C14orf132: variants seen among roughly 807,000 people sequenced by gnomAD.
C14orf132 encodes uncharacterized protein C14orf132.
A neutral mutation model predicts 5.8 loss-of-function variants in C14orf132; 6 were observed. The ratio of observed to expected loss-of-function variants is 1.03; its 90% CI spans 0.57 to 2.04. The LOEUF is 2.04. C14orf132 is among the 30% of genes most tolerant of loss of function. The probability of loss-of-function intolerance (pLI) is 0.00; values close to 1 mark genes in which losing one functional copy is unlikely to be tolerated. For missense variants in C14orf132, 125 were observed against 115.8 expected, an observed-to-expected ratio of 1.08 and a Z score of -0.37; for synonymous variants, 51 against 49.8, an observed-to-expected ratio of 1.02 and a Z score of -0.10.
At chr14:96,069,988 A>G (rs965253129) in intron 1 of C14orf132, among the ~76,000 whole-genome samples, 2 of 152,208 alleles carry the variant, frequency 1.3e-5, no homozygotes, top group Non-Finnish European at 2.9e-5. Context: ...TTCACAGAGC[A>G]TGCTGTTGTC....
At chr14:96,046,747 A>G (rs750350015) in intron 1 of C14orf132, among the ~76,000 whole-genome samples, 1 of 152,222 alleles carries the variant, frequency 6.6e-6, no homozygotes, top group Non-Finnish European at 1.5e-5. Context: ...ATGCTGGCAT[A>G]TCCCCTGCTA....
chr14:96,050,472 A>G (rs1886994780), intron 1 of C14orf132, among the ~76,000 whole-genome samples: 1 of 152,068 alleles, frequency 6.6e-6, no homozygotes, highest in South Asian at 2.1e-4. Flanking sequence ...ACTATTTTCT[A>G]TAATTTTTTG....
intron 1 of C14orf132, among the ~76,000 whole-genome samples, chr14:96,081,422 C>T (rs934579341): frequency 6.6e-6 from 1 of 152,206 alleles, no homozygotes; most frequent in Non-Finnish European, 1.5e-5. Flanking sequence ...GGGGCTAAAT[C>T]TCATCACGCC....
At chr14:96,059,622 G>T (rs184898999) in intron 1 of C14orf132, among the ~76,000 whole-genome samples, 7 of 152,276 alleles carry the variant, frequency 4.6e-5, no homozygotes, top group Non-Finnish European at 1.0e-4. Context: ...CTTTAACCTG[G>T]CAGTAGTGTC....
chr14:96,068,170 G>T (rs1172502936), intron 1 of C14orf132, among the ~76,000 whole-genome samples: 3 of 152,220 alleles, frequency 2.0e-5, no homozygotes, highest in Admixed American at 6.5e-5. Flanking sequence ...CACCCTGCGT[G>T]GGCGAACAGC....
chr14:96,072,637 T>A (rs1387137341), intron 1 of C14orf132, among the ~76,000 whole-genome samples: 1 of 152,194 alleles, frequency 6.6e-6, no homozygotes, highest in Non-Finnish European at 1.5e-5. Context: ...AAATATCTCC[T>A]CTTGCTGCCT....
intron 1 of C14orf132, among the ~76,000 whole-genome samples, chr14:96,068,398 CG>C (rs1887597181): frequency 6.6e-6 from 1 of 152,114 alleles, no homozygotes; most frequent in Non-Finnish European, 1.5e-5. Flanking sequence ...TGATCTTAGG[CG>C]GGGTGCTCCG....
intron 1 of C14orf132, among the ~76,000 whole-genome samples, chr14:96,053,519 C>A (rs1887090256): frequency 6.6e-6 from 1 of 152,214 alleles, no homozygotes; most frequent in African/African-American, 2.4e-5. Context: ...CTGGGCAGAC[C>A]CCTGGCCCCC....
intron 1 of C14orf132, among the ~76,000 whole-genome samples, chr14:96,049,913 A>G (rs1263261964): frequency 6.6e-6 from 1 of 151,916 alleles, no homozygotes; most frequent in African/African-American, 2.4e-5. Flanking sequence ...TAGATATTAT[A>G]GTTTTCATCT....
Position 96,049,653 on chromosome 14 carries a change from T to TATATAGAGAGAG in C14orf132, c.27+10127_27+10128insTATAGAGAGAGA, listed in dbSNP as rs371381526. On this transcript the variant is annotated intron_variant, in intron 1 of 1. Coordinates refer to ENST00000555004, the MANE Select transcript of C14orf132 (RefSeq NM_001252507.3). ...ATACATATATACGTATATATATATA[T>TATATAGAGAGAG]AGAGAGAGAGAGAGAGAGAGTTCTG... Among the ~76,000 whole-genome samples the TATATAGAGAGAG allele has an allele frequency of 2.1e-4, 17 of 82,276 alleles. 2 individuals are homozygous for TATATAGAGAGAG. The highest frequency in any genetic ancestry group is 4.2e-4 in the South Asian group (1 of 2,382). The allele number at this position is 82,276 out of a possible 152,430, so 54.0% of individuals were successfully genotyped here.
intron 1 of C14orf132, among the ~76,000 whole-genome samples, chr14:96,084,417 G>A (rs1237550403): frequency 1.3e-5 from 2 of 152,178 alleles, no homozygotes; most frequent in Non-Finnish European, 2.9e-5. Flanking sequence ...TAGCCTGGAG[G>A]CCTTCTGTTG....
chr14:96,055,568 C>CA (rs747937974), intron 1 of C14orf132, among the ~76,000 whole-genome samples: 6 of 152,198 alleles, frequency 3.9e-5, no homozygotes, highest in Non-Finnish European at 8.8e-5. Context: ...GCCTGCATCT[C>CA]AGCTTGGCCA....
chr14:96,056,192 C>A (rs1887177850), intron 1 of C14orf132, among the ~76,000 whole-genome samples: 1 of 152,210 alleles, frequency 6.6e-6, no homozygotes, highest in South Asian at 2.1e-4. Flanking sequence ...AGACAATTTG[C>A]AAGCCTCTTG....
In C14orf132 at chr14:96,066,212, C is replaced by T. The variant is rs1887522660; in HGVS notation, c.28-20299C>T. ...TTGTCCCAGTCCCCTGAATTCTCAC[C>T]ATGGACCATGGGATGCGCGTGGAGG... On this transcript the variant is annotated intron_variant, in intron 1 of 1. Transcript: ENST00000555004. Among the ~76,000 whole-genome samples the T allele has an allele frequency of 2.6e-5, 4 of 152,142 alleles. No individual in the cohort carries two copies. The South Asian group carries it at 8.3e-4, about 31-fold the overall frequency.
intron 1 of C14orf132, 78 bp from the exon 2 acceptor site, chr14:96,086,433 C>G (rs1888186979): frequency 3.7e-6 from 5 of 1,348,546 alleles, no homozygotes; most frequent in Non-Finnish European, 5.1e-6. Flanking sequence ...GTTGTTTGAC[C>G]AGACCACTTC....
intron 1 of C14orf132, among the ~76,000 whole-genome samples, chr14:96,060,548 G>A (rs72702871): frequency 0.093 from 14,070 of 152,090 alleles, 933 homozygotes; most frequent in Middle Eastern, 0.2. Context: ...CCTCATTCTC[G>A]TGCTACCATC....
intron 1 of C14orf132, among the ~76,000 whole-genome samples, chr14:96,055,362 G>A (rs1220359559): frequency 6.6e-6 from 1 of 152,154 alleles, no homozygotes; most frequent in Non-Finnish European, 1.5e-5. Context: ...TCAGGAAACA[G>A]ATGTGCCCTC....
At chr14:96,040,239 T>C (rs937737163) in intron 1 of C14orf132, 1 of 390,040 alleles carries the variant, frequency 2.6e-6, no homozygotes, top group African/African-American at 2.1e-5. Flanking sequence ...GCTTGGGTGA[T>C]GATTCTATTT....
rs532370711 is a variant in C14orf132 at position 96,058,756 on chromosome 14, G to A, written c.27+19229G>A. Among the ~76,000 whole-genome samples the A allele has an allele frequency of 4.3e-4, 65 of 152,322 alleles. 1 individual carries two copies. In the South Asian group the frequency reaches 0.013, roughly 31 times the overall value. Reference sequence around the variant, plus strand: ...AAGGATCCATAGATTTCCCTGCCTGGCCCAGCTCTCCCAGGTGCCTCCTAC... The same window carrying A: ...AAGGATCCATAGATTTCCCTGCCTGACCCAGCTCTCCCAGGTGCCTCCTAC... On this transcript the variant is annotated intron_variant, in intron 1 of 1. Transcript: ENST00000555004.
Sources: gnomAD v4.1 joint callset for allele counts (sites outside exome capture counted in the v4.1 genomes callset) on GRCh38, gnomAD v4.1.1 for gene constraint, MANE v1.5 for transcripts, NCBI Gene and HGNC (gene_info 2026-07-23, HGNC 2026-07-21) for gene names.